WNT7B: variants seen among roughly 807,000 people sequenced by gnomAD.
WNT7B encodes protein Wnt-7b.
WNT7B carries 19 observed loss-of-function variants against 38.2 expected under a neutral mutation model. The observed-to-expected ratio is 0.50, with a 90% CI of 0.35 to 0.73. The LOEUF is 0.73. Among genes scored for constraint, WNT7B ranks in the 30% least tolerant of loss-of-function variants. The probability of loss-of-function intolerance (pLI) is 0.01; values close to 1 mark genes in which losing one functional copy is unlikely to be tolerated. For synonymous variants in WNT7B, 243 were observed against 209.3 expected, an observed-to-expected ratio of 1.16 and a Z score of -1.39; for missense variants, 423 against 507.9, an observed-to-expected ratio of 0.83 and a Z score of 1.61.
chr22:45,954,121 C>T (rs1932003856), intron 1 of WNT7B, among the ~76,000 whole-genome samples: 1 of 152,160 alleles, frequency 6.6e-6, no homozygotes, highest in African/African-American at 2.4e-5. Flanking sequence ...ATGGAGGAAC[C>T]TCAACAATAC....
chr22:45,936,756 C>G (rs1023108507), intron 2 of WNT7B, among the ~76,000 whole-genome samples: 2 of 152,356 alleles, frequency 1.3e-5, no homozygotes, highest in African/African-American at 4.8e-5. Flanking sequence ...AGTCATCTCA[C>G]TCTGACCATG....
chr22:45,932,813 A>G (rs930347489), intron 2 of WNT7B, among the ~76,000 whole-genome samples: 1 of 152,208 alleles, frequency 6.6e-6, no homozygotes, highest in Non-Finnish European at 1.5e-5. Flanking sequence ...TCAGCCCAGG[A>G]GAGGGCAGCT....
chr22:45,929,717 AATCCACTCACCC>A (rs1315664588), intron 3 of WNT7B, among the ~76,000 whole-genome samples: 3 of 91,970 alleles, frequency 3.3e-5, no homozygotes, highest in Admixed American at 1.3e-4. Flanking sequence ...TCCACCCGTG[AATCCACTCACCC>A]ATCCACCCAC....
In WNT7B at chr22:45,931,461, G is replaced by C. The variant is rs1019242024; in HGVS notation, c.299-92C>G. ...GGTGCCGGGCCTCGATCCACCTGCTGTTGGCTGGTTGTGTGACCCTGGGCT... is the reference window on the plus strand; with the variant it reads ...GGTGCCGGGCCTCGATCCACCTGCTCTTGGCTGGTTGTGTGACCCTGGGCT... On this transcript the variant is annotated intron_variant, in intron 2 of 3. Coordinates refer to ENST00000339464, the MANE Select transcript of WNT7B (RefSeq NM_058238.3). 14 of 1,394,584 alleles carry C rather than the reference G, an allele frequency of 1.0e-5. No individual in the cohort carries two copies. The African/African-American group carries it at 2.0e-4, about 20-fold the overall frequency. 86.4% of individuals were successfully genotyped at this position (1,394,584 alleles called of 1,614,324 possible).
intron 1 of WNT7B, among the ~76,000 whole-genome samples, chr22:45,960,647 T>C (rs1335647234): frequency 6.6e-6 from 1 of 152,250 alleles, no homozygotes; most frequent in East Asian, 1.9e-4. Context: ...TAATTCTTCC[T>C]TCTCAGGCAT....
intron 1 of WNT7B, among the ~76,000 whole-genome samples, chr22:45,960,494 C>A (rs981646215): frequency 1.6e-4 from 25 of 152,248 alleles, no homozygotes; most frequent in African/African-American, 6.0e-4. Context: ...GGAGCATGGG[C>A]AGCCCCCTCC....
chr22:45,935,368 C>A (rs550046606), intron 2 of WNT7B, among the ~76,000 whole-genome samples: 1 of 152,226 alleles, frequency 6.6e-6, no homozygotes, highest in Non-Finnish European at 1.5e-5. Flanking sequence ...GCCTGCAGCC[C>A]AGCGTGGCCT....
intron 2 of WNT7B, among the ~76,000 whole-genome samples, chr22:45,932,347 T>A (rs1931390604): frequency 6.6e-6 from 1 of 152,096 alleles, no homozygotes; most frequent in Admixed American, 6.5e-5. Flanking sequence ...CCCTCCCACT[T>A]CATACCCAAA....
Position 45,922,766 on chromosome 22 carries a change from G to A in WNT7B, c.*90C>T. ...GCTTCTGCACCCGTCTATGTCTGCT[G>A]CTGGCAGCACCAAGGCAGGGAAGGT... On this transcript the variant is annotated 3_prime_UTR_variant, in exon 4 of 4. Transcript: ENST00000339464. The A allele has an allele frequency of 2.0e-6, 3 of 1,527,766 alleles. No homozygotes were observed. The highest frequency in any genetic ancestry group is 2.6e-6 in the Non-Finnish European group (3 of 1,137,262). The allele number at this position is 1,527,766 out of a possible 1,614,324, so 94.6% of individuals were successfully genotyped here.
At chr22:45,969,094 C>T (rs1471535719) in intron 1 of WNT7B, among the ~76,000 whole-genome samples, 1 of 152,224 alleles carries the variant, frequency 6.6e-6, no homozygotes, top group East Asian at 1.9e-4. Context: ...CATCTCCTCC[C>T]CCTCGAGGGT....
intron 3 of WNT7B, chr22:45,925,204 G>A: frequency 2.0e-6 from 2 of 983,870 alleles, no homozygotes; most frequent in Non-Finnish European, 2.4e-6. Context: ...CTAGCAGGTG[G>A]GTGCCGGGTG....
chr22:45,968,349 C>T (rs1166557727), intron 1 of WNT7B, among the ~76,000 whole-genome samples: 2 of 152,156 alleles, frequency 1.3e-5, no homozygotes, highest in African/African-American at 2.4e-5. Context: ...GTCTCCTGCA[C>T]ACCGACCACA....
At chr22:45,960,714 G>A (rs1048756749) in intron 1 of WNT7B, among the ~76,000 whole-genome samples, 11 of 152,256 alleles carry the variant, frequency 7.2e-5, no homozygotes, top group South Asian at 2.1e-4. Flanking sequence ...CCAGGGAGGC[G>A]GGCCTGGGTC....
rs1932566265 is a variant in WNT7B at position 45,976,980 on chromosome 22, G to A, written c.-226C>T. 3 of 986,912 alleles carry A rather than the reference G, an allele frequency of 3.0e-6. No individual in the cohort carries two copies. Among genetic ancestry groups the A allele is most frequent in the Non-Finnish European group, 2.4e-6 (2 of 831,480 alleles). 61.1% of individuals were successfully genotyped at this position (986,912 alleles called of 1,614,324 possible). On this transcript the variant is annotated 5_prime_UTR_variant, in exon 1 of 4. Coordinates refer to ENST00000339464, the MANE Select transcript of WNT7B (RefSeq NM_058238.3). The surrounding 1 kb of genome is among the most constrained non-coding windows in gnomAD (Gnocchi z 8.5). ...GAGCCCGGGGAATTGACCCAGGCTGGGGGCCGCGACCTCGAAGCCCGGTTG... is the reference window on the plus strand; with the variant it reads ...GAGCCCGGGGAATTGACCCAGGCTGAGGGCCGCGACCTCGAAGCCCGGTTG...
chr22:45,964,241 G>A (rs950804515), intron 1 of WNT7B, among the ~76,000 whole-genome samples: 1 of 152,112 alleles, frequency 6.6e-6, no homozygotes, highest in Admixed American at 6.5e-5. Flanking sequence ...TGGCATCCAG[G>A]GATCCTGGGC....
Position 45,931,295 on chromosome 22 carries a change from G to C in WNT7B, c.373C>G (p.Gln125Glu). 6.3e-7 allele frequency: 1 copy of C among 1,598,090 alleles called. No homozygotes were observed. Among genetic ancestry groups the C allele is most frequent in the South Asian group, 1.1e-5 (1 of 91,058 alleles). Residue 125 changes from glutamine to glutamate, a missense_variant, in exon 3 of 4, where the codon CAA (glutamine) becomes GAA (glutamate). By Grantham distance (29) the Gln-to-Glu change is conservative (BLOSUM62 2). Coordinates refer to ENST00000339464, the MANE Select transcript of WNT7B (RefSeq NM_058238.3). ...VAHAVTAACSQGNLSNCGCDR... is the reference protein window; with the variant it reads ...VAHAVTAACSEGNLSNCGCDR... ...CAGCCGCAGTTGCTCAGGTTCCCTT[G>C]GCTGCAGGCAGCGGTGACGGCGTGC...
rs1930944338 is a variant in WNT7B, at chr22:45,922,086, A to T, written c.*770T>A. 1 of 152,224 alleles carries T rather than the reference A, an allele frequency of 6.6e-6. No homozygotes were observed. The highest frequency in any genetic ancestry group is 1.5e-5 in the Non-Finnish European group (1 of 68,064). 9.4% of individuals were successfully genotyped at this position (152,224 alleles called of 1,614,324 possible). ...ATTGATAGGATTTTCAAAAGAAGGA[A>T]AGACGGCATGGAGGAGCCTGTCCAT... On this transcript the variant is annotated 3_prime_UTR_variant, in exon 4 of 4. Coordinates refer to ENST00000339464, the MANE Select transcript of WNT7B (RefSeq NM_058238.3).
At chr22:45,927,863 TC>T (rs1180531000) in intron 3 of WNT7B, among the ~76,000 whole-genome samples, 3 of 152,202 alleles carry the variant, frequency 2.0e-5, no homozygotes, top group Non-Finnish European at 4.4e-5. Context: ...GCCACTGCAC[TC>T]CAGCCTCAGC....
rs1319038285 is a variant in WNT7B, at chr22:45,920,647, T to TG, written c.*2208dup. The stretch of plus-strand genomic sequence containing the variant: ...CTGGTTCGGGAGATGGGGGATGGGA[T>TG]GGGGGGTGGGTATGGGGAATAGGGA... On this transcript the variant is annotated 3_prime_UTR_variant, in exon 4 of 4. Transcript: ENST00000339464. 1.1e-3 allele frequency: 30 copies of TG among 27,148 alleles called. No homozygotes were observed. The highest frequency in any genetic ancestry group is 4.2e-3 in the African/African-American group (29 of 6,930). 1.7% of individuals were successfully genotyped at this position (27,148 alleles called of 1,614,324 possible).
Sources: allele counts gnomAD v4.1 joint callset (sites outside exome capture counted in the v4.1 genomes callset), GRCh38; gene constraint gnomAD v4.1.1; non-coding constraint Gnocchi (gnomAD v3.1); transcripts MANE v1.5; gene names NCBI Gene and HGNC (gene_info 2026-07-23, HGNC 2026-07-21).